The following CDC14B variants were observed in gnomAD, a reference collection of about 807,000 sequenced individuals.
The protein encoded by CDC14B is cell division cycle 14B, also known as dual specificity protein phosphatase CDC14B.
In CDC14B, 22 loss-of-function variants were observed where a neutral mutation model predicts 64.2. The ratio of observed to expected loss-of-function variants is 0.34; its 90% CI spans 0.24 to 0.49. The LOEUF is 0.49. Among genes scored for constraint, CDC14B ranks in the 20% least tolerant of loss-of-function variants. CDC14B has a pLI of 0.99. For missense variants in CDC14B, 498 were observed against 629.9 expected (o/e 0.79, Z 2.24); for synonymous variants, 191 against 215.8 (o/e 0.89, Z 1.01).
intron 7 of CDC14B, chr9:96,538,726 CT>C (rs200013412): frequency 1.3e-4 from 27 of 203,628 alleles, no homozygotes; most frequent in Non-Finnish European, 1.9e-4. Flanking sequence ...TGGTCTCTCT[CT>C]TTTTTTTTCA....
downstream of CDC14B, among the ~76,000 whole-genome samples, chr9:96,495,742 G>A (rs1237859649): frequency 6.6e-6 from 1 of 152,186 alleles, no homozygotes; most frequent in Non-Finnish European, 1.5e-5. Flanking sequence ...GAACTGGGTT[G>A]CTGTGACCAA....
At chr9:96,551,391 G>A (rs148345781) in intron 5 of CDC14B, among the ~76,000 whole-genome samples, 5 of 152,108 alleles carry the variant, frequency 3.3e-5, no homozygotes, top group African/African-American at 1.2e-4. Flanking sequence ...CAATATGCTG[G>A]GATTACAGGC....
chr9:96,498,609 A>G (rs910561969), downstream of CDC14B, among the ~76,000 whole-genome samples: 11 of 152,242 alleles, frequency 7.2e-5, no homozygotes, highest in Non-Finnish European at 1.0e-4. Flanking sequence ...TGCTGCAGGT[A>G]CCAAAAATAT....
chr9:96,508,361 G>C (rs1466902765), intron 13 of CDC14B, among the ~76,000 whole-genome samples: 1 of 55,696 alleles, frequency 1.8e-5, no homozygotes, highest in Admixed American at 1.9e-4. Flanking sequence ...TTACTGCTTC[G>C]TGTACTAAAC....
chr9:96,508,626 C>T (rs545860407), intron 13 of CDC14B, among the ~76,000 whole-genome samples: 82 of 152,252 alleles, frequency 5.4e-4, no homozygotes, highest in Middle Eastern at 3.4e-3. Context: ...ATCCTTATGC[C>T]GGGGCACTGC....
intron 1 of CDC14B, among the ~76,000 whole-genome samples, chr9:96,573,306 C>T (rs1844584037): frequency 6.6e-6 from 1 of 151,982 alleles, no homozygotes; most frequent in Admixed American, 6.6e-5. Flanking sequence ...GTAAGACTGT[C>T]TCAAAACAAA....
chr9:96,538,865 A>G, intron 7 of CDC14B: 2 of 494,112 alleles, frequency 4.0e-6, no homozygotes, highest in South Asian at 4.6e-5. Context: ...AGTACATCTC[A>G]GGTATTCTCA....
Position 96,553,213 on chromosome 9 carries a change from T to C in CDC14B, c.421-1341A>G, listed in dbSNP as rs997629047. Among the ~76,000 whole-genome samples, 6 of 152,324 alleles carry C rather than the reference T, an allele frequency of 3.9e-5. 1 individual carries two copies. Among genetic ancestry groups the C allele is most frequent in the African/African-American group, 9.6e-5 (4 of 41,580 alleles). ...AAGTTCAAAGATCCAGCAAGGATCT[T>C]AGAAACTCAGAAACAGACATATCCT... On this transcript the variant is annotated intron_variant, in intron 4 of 13. Transcript: ENST00000375241.
At chr9:96,542,364 TCCAA>T (rs1430146048) in intron 5 of CDC14B, among the ~76,000 whole-genome samples, 7 of 152,232 alleles carry the variant, frequency 4.6e-5, no homozygotes, top group African/African-American at 1.4e-4. Context: ...TGTGTGTGTC[TCCAA>T]CCAAGTATGA....
chr9:96,494,875 C>T (rs892817767), intron 13 of CDC14B, among the ~76,000 whole-genome samples: 1 of 149,210 alleles, frequency 6.7e-6, no homozygotes, highest in African/African-American at 2.5e-5. Flanking sequence ...CGCTCTGTCG[C>T]CCAGGCTGCA....
At chr9:96,566,682 A>T in intron 1 of CDC14B, 2 of 1,324,392 alleles carry the variant, frequency 1.5e-6, no homozygotes, top group Non-Finnish European at 2.1e-6. Context: ...GGCCCAGACT[A>T]GGGGCACCTC....
At position 96,503,369 on chromosome 9, in the gene CDC14B, A is replaced by G. The variant is rs1210579835; in HGVS notation, c.*384T>C. The G allele has an allele frequency of 1.4e-5, 3 of 217,168 alleles. No homozygotes were observed. The East Asian group carries it at 3.2e-4, about 23-fold the overall frequency. 13.5% of individuals were successfully genotyped at this position (217,168 alleles called of 1,614,324 possible). A position where few individuals can be genotyped will look rare whatever the true frequency, so the allele number is the denominator to read the frequency against. On this transcript the variant is annotated 3_prime_UTR_variant, in exon 14 of 14. Coordinates refer to ENST00000375241, the MANE Select transcript of CDC14B (RefSeq NM_033331.4). ...AGGGTCACAAGGTGAACAGAAAATA[A>G]ATACATAAAAAACCTCCATCAGATC...
At chr9:96,594,665 G>A (rs1367829243) in intron 1 of CDC14B, among the ~76,000 whole-genome samples, 5 of 144,238 alleles carry the variant, frequency 3.5e-5, no homozygotes, top group South Asian at 2.3e-4. Context: ...TGCAGTGAGC[G>A]GAGATTGCGC....
At chr9:96,509,028 C>T (rs750714393) in intron 13 of CDC14B, among the ~76,000 whole-genome samples, 3 of 152,220 alleles carry the variant, frequency 2.0e-5, no homozygotes, top group Non-Finnish European at 2.9e-5. Context: ...AGCCATCTAT[C>T]CCCACTTCCA....
At chr9:96,512,317 A>AT (rs1179476329) in intron 12 of CDC14B, among the ~76,000 whole-genome samples, 3 of 149,270 alleles carry the variant, frequency 2.0e-5, no homozygotes, top group African/African-American at 4.9e-5. Flanking sequence ...TGTTTTTAAA[A>AT]TTTTTTTTCT....
chr9:96,593,717 G>A (rs1047323321), intron 1 of CDC14B, among the ~76,000 whole-genome samples: 4 of 152,104 alleles, frequency 2.6e-5, no homozygotes, highest in Admixed American at 6.6e-5. Context: ...TAGCACACCT[G>A]GATATGTAAA....
intron 1 of CDC14B, among the ~76,000 whole-genome samples, chr9:96,585,106 ATTCT>A (rs1845382844): frequency 6.6e-6 from 1 of 152,222 alleles, no homozygotes; most frequent in Admixed American, 6.5e-5. Context: ...TTAATAAGTA[ATTCT>A]TTCTTTAGAA....
intron 1 of CDC14B, among the ~76,000 whole-genome samples, chr9:96,594,441 C>T (rs1222863803): frequency 1.1e-4 from 16 of 152,148 alleles, no homozygotes; most frequent in Non-Finnish European, 4.4e-5. Flanking sequence ...AGAGGGTGGC[C>T]GCAGTTGGTG....
chr9:96,613,385 C>T (rs988223059), intron 1 of CDC14B, among the ~76,000 whole-genome samples: 4 of 152,198 alleles, frequency 2.6e-5, no homozygotes, highest in Non-Finnish European at 5.9e-5. Context: ...AGAGCAATTA[C>T]AATTTGCACT....
Sources: allele counts gnomAD v4.1 joint callset (sites outside exome capture counted in the v4.1 genomes callset), GRCh38; gene constraint gnomAD v4.1.1; transcripts MANE v1.5; gene names NCBI Gene and HGNC (gene_info 2026-07-23, HGNC 2026-07-21).